Variants in SOX5 observed in about 807,000 individuals in gnomAD.
SOX5 encodes the protein SRY-box transcription factor 5, also known as transcription factor SOX-5.
In SOX5, 9 loss-of-function variants were observed where a neutral mutation model predicts 92.0. That is an observed-to-expected ratio of 0.10 (90% CI 0.06 to 0.17). The LOEUF (loss-of-function observed/expected upper bound fraction) is 0.17. Ranked by LOEUF, SOX5 falls within the 10% of genes least tolerant of loss-of-function variation. The pLI is 1.00. For synonymous variants in SOX5, 344 were observed against 336.3 expected, an observed-to-expected ratio of 1.02 and a Z score of -0.25; for missense variants, 642 against 944.5, an observed-to-expected ratio of 0.68 and a Z score of 4.20.
At position 23,787,145 on chromosome 12, in the gene SOX5, C is replaced by A. The variant is rs113837973; in HGVS notation, c.482-31421G>T. Among the ~76,000 whole-genome samples the A allele has an allele frequency of 2.4e-3, 364 of 151,782 alleles. 42 individuals carry two copies. The highest frequency in any genetic ancestry group is 8.3e-3 in the African/African-American group (345 of 41,464). On this transcript the variant is annotated intron_variant, in intron 3 of 14. Coordinates refer to ENST00000451604, the MANE Select transcript of SOX5 (RefSeq NM_006940.6). ...TTAGAACCACATAATTTCTATACAT[C>A]TTCAAATTGTAATTTAGAAGCATTA...
chr12:24,342,749 T>G (rs1952727393), intron 2 of SOX5, among the ~76,000 whole-genome samples: 1 of 152,194 alleles, frequency 6.6e-6, no homozygotes, highest in African/African-American at 2.4e-5. Flanking sequence ...AACCCCACAA[T>G]GCAACCAGAG....
chr12:23,616,502 G>T (rs1041365896), intron 8 of SOX5, among the ~76,000 whole-genome samples: 1 of 152,192 alleles, frequency 6.6e-6, no homozygotes, highest in South Asian at 2.1e-4. Context: ...GTAAGGAAGG[G>T]TATACTAAGG....
At chr12:24,480,460 G>A (rs960938185) in intron 1 of SOX5, among the ~76,000 whole-genome samples, 2 of 152,116 alleles carry the variant, frequency 1.3e-5, no homozygotes, top group Non-Finnish European at 2.9e-5. Context: ...ATTCAACAAA[G>A]TGAAGAGACA....
At chr12:23,646,059 A>G (rs1006054353) in intron 7 of SOX5, among the ~76,000 whole-genome samples, 5 of 152,218 alleles carry the variant, frequency 3.3e-5, no homozygotes, top group African/African-American at 1.2e-4. Context: ...CTGAGCCTTC[A>G]GTGAGTTGTA....
At chr12:23,605,574 A>G (rs536535351) in intron 8 of SOX5, among the ~76,000 whole-genome samples, 1 of 151,742 alleles carries the variant, frequency 6.6e-6, no homozygotes, top group East Asian at 1.9e-4. Flanking sequence ...GCAAGCTAGA[A>G]TTTCTACAAT....
At chr12:24,377,253 T>C (rs1957377668) in intron 1 of SOX5, among the ~76,000 whole-genome samples, 2 of 152,216 alleles carry the variant, frequency 1.3e-5, no homozygotes, top group South Asian at 4.1e-4. Context: ...TTTATTATAT[T>C]CATTTTATAG....
intron 4 of SOX5, among the ~76,000 whole-genome samples, chr12:24,141,450 G>C: frequency 6.6e-6 from 1 of 152,158 alleles, no homozygotes; most frequent in East Asian, 1.9e-4. Flanking sequence ...AAAGAACACA[G>C]GCCAATTAGC....
At chr12:23,639,739 A>G (rs1350627483) in intron 8 of SOX5, among the ~76,000 whole-genome samples, 2 of 152,210 alleles carry the variant, frequency 1.3e-5, no homozygotes, top group African/African-American at 4.8e-5. Flanking sequence ...CAGCTTTCAC[A>G]CTGGTAGTTC....
intron 8 of SOX5, among the ~76,000 whole-genome samples, chr12:23,620,577 G>T (rs1049401760): frequency 1.3e-5 from 2 of 151,704 alleles, no homozygotes; most frequent in Admixed American, 6.6e-5. Context: ...ATTCATGGTG[G>T]CCAACCTCGA....
At chr12:23,950,830 A>G, upstream of SOX5, 1 of 1,527,980 alleles carries the variant, frequency 6.5e-7, no homozygotes, top group African/African-American at 1.4e-5. Context: ...TTGACACGAA[A>G]TGACAGAGGC....
intron 7 of SOX5, among the ~76,000 whole-genome samples, chr12:23,653,285 C>T (rs971481882): frequency 2.6e-5 from 4 of 151,840 alleles, no homozygotes; most frequent in African/African-American, 7.3e-5. Context: ...GCTTTCTGGT[C>T]TTTAGGCTTT....
At chr12:23,542,676 T>C (rs1283277163) in intron 13 of SOX5, among the ~76,000 whole-genome samples, 1 of 152,220 alleles carries the variant, frequency 6.6e-6, no homozygotes, top group African/African-American at 2.4e-5. Context: ...ATGTACACTC[T>C]ACATCTTCTT....
At chr12:23,644,118 C>A (rs1379355534) in intron 7 of SOX5, among the ~76,000 whole-genome samples, 1 of 152,138 alleles carries the variant, frequency 6.6e-6, no homozygotes, top group African/African-American at 2.4e-5. Context: ...GATTAAGTTA[C>A]AAAAGTATTT....
At chr12:23,704,099 T>A (rs1199328971) in intron 6 of SOX5, among the ~76,000 whole-genome samples, 1 of 151,910 alleles carries the variant, frequency 6.6e-6, no homozygotes, top group South Asian at 2.1e-4. Context: ...TAATTAATTA[T>A]CATTACCCTT....
intron 4 of SOX5, among the ~76,000 whole-genome samples, chr12:24,182,706 C>A (rs1279071387): frequency 2.6e-5 from 4 of 151,968 alleles, no homozygotes; most frequent in African/African-American, 9.7e-5. Flanking sequence ...AGGAAAAAAT[C>A]CAAATTTCCA....
At chr12:24,259,506 C>A (rs1050207484) in intron 3 of SOX5, among the ~76,000 whole-genome samples, 1 of 152,124 alleles carries the variant, frequency 6.6e-6, no homozygotes, top group Non-Finnish European at 1.5e-5. Context: ...AAGTAAAAGG[C>A]ATTTTCAAAC....
intron 1 of SOX5, among the ~76,000 whole-genome samples, chr12:23,914,174 T>A (rs2097385055): frequency 6.6e-6 from 1 of 152,226 alleles, no homozygotes. Flanking sequence ...GCTCACTGTA[T>A]AATGAAGTCT....
At chr12:24,468,143 G>A (rs899089477) in intron 1 of SOX5, among the ~76,000 whole-genome samples, 4 of 152,212 alleles carry the variant, frequency 2.6e-5, no homozygotes, top group Non-Finnish European at 5.9e-5. Flanking sequence ...GATGGAGCGG[G>A]TGAAAGGCAC....
At chr12:24,076,249 G>A (rs573972233) in intron 4 of SOX5, among the ~76,000 whole-genome samples, 2 of 152,134 alleles carry the variant, frequency 1.3e-5, no homozygotes, top group South Asian at 2.1e-4. Flanking sequence ...TTCTGGAGAC[G>A]GACCTTGTAA....
Sources: gnomAD v4.1 joint callset for allele counts (sites outside exome capture counted in the v4.1 genomes callset) on GRCh38, gnomAD v4.1.1 for gene constraint, MANE v1.5 for transcripts, NCBI Gene and HGNC (gene_info 2026-07-23, HGNC 2026-07-21) for gene names.